CYP4F2: variants seen among roughly 807,000 people sequenced by gnomAD.
CYP4F2 encodes cytochrome P450 4F2.
Under a neutral mutation model 58.9 loss-of-function variants are expected in CYP4F2, and 58 were observed. The observed-to-expected ratio is 0.98, with a 90% CI of 0.80 to 1.23. The LOEUF (loss-of-function observed/expected upper bound fraction) is 1.23. CYP4F2 is among the 50% of genes most tolerant of loss of function. The pLI, the probability that CYP4F2 is intolerant of heterozygous loss-of-function variation, is 0.00. For synonymous variants in CYP4F2, 287 were observed against 261.1 expected, an observed-to-expected ratio of 1.10 and a Z score of -0.95; for missense variants, 616 against 685.6, an observed-to-expected ratio of 0.90 and a Z score of 1.13.
chr19:15,895,441 G>A (rs2089441732), intron 3 of CYP4F2, 65 bp downstream of exon 3: 1 of 1,452,544 alleles, frequency 6.9e-7, no homozygotes, highest in East Asian at 2.7e-5. Flanking sequence ...GCCCACACAG[G>A]AGCTTGGGGA....
intron 3 of CYP4F2, 130 bp downstream of exon 3, chr19:15,895,376 A>G: frequency 2.4e-6 from 3 of 1,227,634 alleles, no homozygotes; most frequent in Non-Finnish European, 2.2e-6. Context: ...GAATACATGA[A>G]AGAAAGATGA....
chr19:15,897,804 G>T, intron 1 of CYP4F2, 192 bp from the exon 2 acceptor site: 1 of 620,020 alleles, frequency 1.6e-6, no homozygotes, highest in Non-Finnish European at 2.8e-6. Flanking sequence ...GTGGCCTCCA[G>T]TTCCCTAGTA....
rs150422828 is a variant in CYP4F2, at chr19:15,885,979, A to C, written c.1060T>G (p.Cys354Gly). ...LAKHPEYQER[C>G]RQEVQELLKD... ...AGAAGTTCTTGCACCTCCTGCCGGC[A>C]GCGCTCCTGGTATTCTGGGTGCTTT... Residue 354 changes from cysteine to glycine, a missense_variant, in exon 9 of 13, where the codon TGC (cysteine) becomes GGC (glycine). Coordinates refer to ENST00000221700, the MANE Select transcript of CYP4F2 (RefSeq NM_001082.5). The C allele has an allele frequency of 2.5e-6, 4 of 1,613,980 alleles. No individual in the cohort carries two copies. Among genetic ancestry groups the C allele is most frequent in the Non-Finnish European group, 3.4e-6 (4 of 1,180,028 alleles).
At chr19:15,882,016 C>T (rs559169919) in intron 9 of CYP4F2, among the ~76,000 whole-genome samples, 7 of 151,852 alleles carry the variant, frequency 4.6e-5, no homozygotes, top group African/African-American at 1.2e-4. Flanking sequence ...AGGCCAAGGG[C>T]GGCAGATCAC....
Position 15,880,456 on chromosome 19 carries a change from G to A in CYP4F2, c.1116-559C>T, listed in dbSNP as rs147163359. ...ATCCTAGCTAACACAGTGAAACCCC[G>A]TCTCTACTAAAAATACAAAAACTTA... On this transcript the variant is annotated intron_variant, in intron 9 of 12. Transcript: ENST00000221700. Among the ~76,000 whole-genome samples the A allele has an allele frequency of 3.1e-3, 467 of 151,998 alleles. 3 individuals are homozygous for A. The highest frequency in any genetic ancestry group is 0.011 in the African/African-American group (436 of 41,436).
chr19:15,883,683 T>C (rs3093186), intron 9 of CYP4F2, among the ~76,000 whole-genome samples: 1,935 of 152,306 alleles, frequency 0.013, 32 homozygotes, highest in African/African-American at 0.043. Context: ...TGAAGAGATA[T>C]CTATACTTCC....
intron 2 of CYP4F2, among the ~76,000 whole-genome samples, chr19:15,897,035 A>G (rs1289505063): frequency 6.6e-6 from 1 of 152,186 alleles, no homozygotes; most frequent in Non-Finnish European, 1.5e-5. Context: ...ATAACAGGAA[A>G]TAGTCCAGGC....
chr19:15,892,922 C>T (rs991487387), intron 3 of CYP4F2, among the ~76,000 whole-genome samples: 3 of 152,198 alleles, frequency 2.0e-5, no homozygotes, highest in African/African-American at 7.2e-5. Flanking sequence ...GGACCTAGGA[C>T]ACCCTGTCTG....
Position 15,878,867 on chromosome 19 carries a change from G to A in CYP4F2, c.1467C>T (p.Phe489=), listed in dbSNP as rs776263021. 6.8e-6 allele frequency: 11 copies of A among 1,614,046 alleles called. No homozygotes were observed. The highest frequency in any genetic ancestry group is 7.6e-6 in the Non-Finnish European group (9 of 1,179,990). ...GCTCGGTGTGGTCAGGCAGGACGCG[G>A]AAGCGCAGCAGCGTGAGCGCCAGGA... is the stretch of plus-strand genomic sequence containing the variant. ...KVVLALTLLR[F]RVLPDHTEPR... Residue 489 remains phenylalanine (F), a synonymous_variant, in exon 13 of 13, where the codon TTC becomes TTT. Transcript: ENST00000221700.
chr19:15,889,594 G>A lies in CYP4F2; in HGVS notation c.747C>T (p.Leu249=), dbSNP rs892604604. 6.2e-7 allele frequency: 1 copy of A among 1,614,214 alleles called. No individual in the cohort carries two copies. The highest frequency in any genetic ancestry group is 8.5e-7 in the Non-Finnish European group (1 of 1,180,042). The change falls in exon 7 of 13, where the codon CTC becomes CTT. Residue 249 remains leucine, a synonymous_variant. Coordinates refer to ENST00000221700, the MANE Select transcript of CYP4F2 (RefSeq NM_001082.5). Reference sequence around the variant, plus strand: ...TGCGGAAACGCTGCCCATCAGGGGTGAGATAATACAGGAAGTCAATATGCA... The same window carrying A: ...TGCGGAAACGCTGCCCATCAGGGGTAAGATAATACAGGAAGTCAATATGCA... ...ILLHIDFLYY[L]TPDGQRFRRA...
intron 2 of CYP4F2, among the ~76,000 whole-genome samples, 161 bp from the exon 3 acceptor site, chr19:15,895,811 C>T (rs952137579): frequency 1.3e-5 from 2 of 152,160 alleles, no homozygotes; most frequent in South Asian, 2.1e-4. Context: ...TATCTATCTG[C>T]CTACCCATCT....
rs4453629 is a variant in CYP4F2 at position 15,889,412 on chromosome 19, G to C, written c.918+11C>G. ...TTCTACTTCTTGAATTCAGATCCCA[G>C]AGAGGCCCACCTTGCTCAGCAGGAG... On this transcript the variant is annotated intron_variant, in intron 7 of 12. Coordinates refer to ENST00000221700, the MANE Select transcript of CYP4F2 (RefSeq NM_001082.5). The C allele has an allele frequency of 6.2e-7, 1 of 1,613,540 alleles. No homozygotes were observed. Among genetic ancestry groups the C allele is most frequent in the Non-Finnish European group, 8.5e-7 (1 of 1,179,708 alleles).
At chr19:15,890,280 C>A in intron 6 of CYP4F2, 32 bp downstream of exon 6, 2 of 1,613,650 alleles carry the variant, frequency 1.2e-6, no homozygotes, top group Non-Finnish European at 1.7e-6. Context: ...GGGTCCACAG[C>A]CCAAGATCCC....
At chr19:15,897,993 C>A (rs2089458869) in intron 1 of CYP4F2, 33 bp downstream of exon 1, 2 of 220,322 alleles carry the variant, frequency 9.1e-6, no homozygotes, top group Admixed American at 6.2e-5. Context: ...CAGGCCAGGA[C>A]CCCCCCCAGG....
At position 15,879,792 on chromosome 19, in the gene CYP4F2, C is replaced by T. The variant is rs760717709; in HGVS notation, c.1221G>A (p.Val407=). 1.7e-5 allele frequency: 28 copies of T among 1,614,126 alleles called. No individual in the cohort carries two copies. In the South Asian group the frequency reaches 3.0e-4, roughly 17 times the overall value. Residue 407 remains valine, a synonymous_variant, in exon 10 of 13, where the codon GTG becomes GTA. Transcript: ENST00000221700. ...VISRHVTQDI[V]LPDGRVIPKG... ...TGGGGATGACCCGGCCGTCTGGGAG[C>T]ACAATGTCCTGGGTGACATGGCGGG... is the stretch of plus-strand genomic sequence containing the variant.
intron 1 of CYP4F2, 38 bp from the exon 2 acceptor site, chr19:15,897,650 C>G (rs1244473035): frequency 1.2e-6 from 2 of 1,609,182 alleles, no homozygotes; most frequent in Non-Finnish European, 1.7e-6. Flanking sequence ...GATCCTGAGG[C>G]CCAGAGAACG....
Position 15,886,050 on chromosome 19 carries a change from T to C in CYP4F2, c.989A>G (p.His330Arg), listed in dbSNP as rs766482875. Residue 330 changes from histidine (H) to arginine (R), a missense_variant, in exon 9 of 13, where the codon CAT (histidine) becomes CGT (arginine). Coordinates refer to ENST00000221700, the MANE Select transcript of CYP4F2 (RefSeq NM_001082.5). ...AEADTFMFEG[H>R]DTTASGLSWV... ...GGAGAGACCACTGGCCGTGGTGTCA[T>C]GGCCTGGGGGGCAGCAAGGCAGGCT... 15 of 1,613,434 alleles carry C rather than the reference T, an allele frequency of 9.3e-6. No homozygotes were observed. The highest frequency in any genetic ancestry group is 6.8e-6 in the Non-Finnish European group (8 of 1,179,642).
chr19:15,879,053 AG>A, intron 12 of CYP4F2, 117 bp from the exon 13 acceptor site: 2 of 1,469,406 alleles, frequency 1.4e-6, no homozygotes, highest in African/African-American at 1.4e-5. Context: ...GGAATAGAGA[AG>A]GGGGTATCCG....
In CYP4F2 at chr19:15,878,952, G is replaced by A. The variant is rs577527241; in HGVS notation, c.1398-16C>T. The A allele has an allele frequency of 1.6e-4, 256 of 1,611,068 alleles. No homozygotes were observed. In the South Asian group the frequency reaches 2.7e-3, roughly 17 times the overall value. On this transcript the variant is annotated splice_polypyrimidine_tract_variant and intron_variant, in intron 12 of 12. Coordinates refer to ENST00000221700, the MANE Select transcript of CYP4F2 (RefSeq NM_001082.5). Reference sequence around the variant, plus strand: ...GATGCAGTTCCTAGGGGAGGGAGGTGGGAACTCTGACTGCACCCAGGAGCC... The same window carrying A: ...GATGCAGTTCCTAGGGGAGGGAGGTAGGAACTCTGACTGCACCCAGGAGCC...
Sources: gnomAD v4.1 joint callset for allele counts (sites outside exome capture counted in the v4.1 genomes callset) on GRCh38, gnomAD v4.1.1 for gene constraint, MANE v1.5 for transcripts, NCBI Gene and HGNC (gene_info 2026-07-23, HGNC 2026-07-21) for gene names.